The following FOXP1 variants were observed in gnomAD, a reference collection of about 807,000 sequenced individuals.
The protein encoded by FOXP1 is forkhead box protein P1.
FOXP1 carries 15 observed loss-of-function variants against 98.2 expected under a neutral mutation model. The observed-to-expected ratio is 0.15, with a 90% CI of 0.10 to 0.24. The LOEUF (loss-of-function observed/expected upper bound fraction) is 0.24, where lower values mean the gene tolerates loss of function less well. Ranked by LOEUF, FOXP1 falls within the 10% of genes least tolerant of loss-of-function variation. FOXP1 has a pLI of 1.00. For missense variants in FOXP1, 633 were observed against 848.5 expected (o/e 0.75, Z 3.15); for synonymous variants, 371 against 314.5 (o/e 1.18, Z -1.90).
chr3:71,236,844 G>C (rs2066821927), intron 5 of FOXP1, among the ~76,000 whole-genome samples: 1 of 151,274 alleles, frequency 6.6e-6, no homozygotes, highest in South Asian at 2.1e-4. Context: ...CTGCACTCCA[G>C]CCTGAGTGAC....
intron 5 of FOXP1, among the ~76,000 whole-genome samples, chr3:71,289,315 A>T (rs1304712765): frequency 6.6e-6 from 1 of 151,992 alleles, no homozygotes; most frequent in Admixed American, 6.6e-5. Context: ...CTGGTATTAC[A>T]GTCATGAGCC....
intron 6 of FOXP1, among the ~76,000 whole-genome samples, chr3:71,138,195 G>A (rs984347267): frequency 6.6e-6 from 1 of 152,174 alleles, no homozygotes; most frequent in Non-Finnish European, 1.5e-5. Flanking sequence ...GAGAACACAC[G>A]TGGAGGAAGA....
intron 5 of FOXP1, among the ~76,000 whole-genome samples, chr3:71,199,749 GAAAAA>G (rs763308219): frequency 3.4e-4 from 50 of 147,720 alleles, no homozygotes; most frequent in Non-Finnish European, 7.0e-4. Context: ...CAAAACAAAA[GAAAAA>G]AAAATAGGGT....
intron 6 of FOXP1, among the ~76,000 whole-genome samples, chr3:71,126,890 C>CA (rs66876896): frequency 4.6e-4 from 61 of 132,252 alleles, no homozygotes; most frequent in South Asian, 1.2e-3. Flanking sequence ...AAAACAAAAA[C>CA]AAAAAAAAAA....
At chr3:71,015,789 T>A (rs969109447) in intron 11 of FOXP1, 136 bp from the exon 12 acceptor site, 1 of 628,534 alleles carries the variant, frequency 1.6e-6, no homozygotes, top group Admixed American at 2.7e-5. Context: ...CCCCATCCCA[T>A]GTAATTGACT....
chr3:71,409,006 T>C (rs557789387), intron 3 of FOXP1, among the ~76,000 whole-genome samples: 3 of 152,208 alleles, frequency 2.0e-5, no homozygotes, highest in Non-Finnish European at 4.4e-5. Context: ...CCCAGAGAAA[T>C]GTATAATAGT....
At chr3:71,122,895 G>A (rs2058880687) in intron 6 of FOXP1, among the ~76,000 whole-genome samples, 1 of 152,174 alleles carries the variant, frequency 6.6e-6, no homozygotes, top group Non-Finnish European at 1.5e-5. Context: ...TTGGCAAATG[G>A]CTATGCAGAC....
chr3:71,000,756 C>T (rs527569268), intron 13 of FOXP1, among the ~76,000 whole-genome samples: 11 of 147,878 alleles, frequency 7.4e-5, no homozygotes, highest in African/African-American at 2.6e-4. Context: ...GCAGCAGTTC[C>T]AAAGAGTGAA....
chr3:70,956,447 CTAAG>C lies in FOXP1; in HGVS notation c.*2796_*2799del. On this transcript the variant is annotated 3_prime_UTR_variant, in exon 21 of 21. Transcript: ENST00000649528. Reference sequence around the variant, plus strand: ...TTTTTTTTTTGCTACAGTCTTTAGACTAAGCATGCAAGACATACGACTAAGTGCA... The same window carrying C: ...TTTTTTTTTTGCTACAGTCTTTAGACCATGCAAGACATACGACTAAGTGCA... 4.8e-6 allele frequency: 1 copy of C among 207,428 alleles called. No homozygotes were observed. The highest frequency in any genetic ancestry group is 9.5e-6 in the Non-Finnish European group (1 of 105,666). 12.8% of individuals were successfully genotyped at this position (207,428 alleles called of 1,614,324 possible).
In FOXP1 at chr3:71,207,247, C is replaced by G. The variant is rs11442783; in HGVS notation, c.-11-8855G>C. Among the ~76,000 whole-genome samples the G allele has an allele frequency of 2.2e-3, 322 of 148,990 alleles. 3 individuals are homozygous for G. Among genetic ancestry groups the G allele is most frequent in the African/African-American group, 5.5e-3 (224 of 40,534 alleles). ...TGACCAACAACCAGTTCAGAAAAGT[C>G]TTTTTTTTTTTTCATTTCTATATTT... On this transcript the variant is annotated intron_variant, in intron 5 of 20. Coordinates refer to ENST00000649528, the MANE Select transcript of FOXP1 (RefSeq NM_001349338.3).
intron 2 of FOXP1, among the ~76,000 whole-genome samples, chr3:71,513,391 A>G (rs868199417): frequency 6.6e-6 from 1 of 152,090 alleles, no homozygotes; most frequent in Non-Finnish European, 1.5e-5. Context: ...AGGAAATCCC[A>G]TAGAGTCTGC....
intron 7 of FOXP1, among the ~76,000 whole-genome samples, chr3:71,094,181 T>C (rs987369738): frequency 6.6e-6 from 1 of 152,088 alleles, no homozygotes; most frequent in African/African-American, 2.4e-5. Flanking sequence ...AAAGCAGCCA[T>C]AGACAGAAAA....
intron 3 of FOXP1, among the ~76,000 whole-genome samples, chr3:71,485,785 AAAG>A (rs1430343255): frequency 6.6e-6 from 1 of 152,050 alleles, no homozygotes; most frequent in African/African-American, 2.4e-5. Flanking sequence ...AAAAAAAAAA[AAAG>A]AACCACAGAA....
chr3:71,515,260 C>T (rs1408755785), intron 2 of FOXP1, among the ~76,000 whole-genome samples: 2 of 152,064 alleles, frequency 1.3e-5, no homozygotes, highest in African/African-American at 2.4e-5. Context: ...TCACACAACG[C>T]GGTATGGAAA....
chr3:71,246,801 A>G (rs2106984861), intron 5 of FOXP1, among the ~76,000 whole-genome samples: 1 of 152,242 alleles, frequency 6.6e-6, no homozygotes. Context: ...CGTCTCCGTC[A>G]CTCTTCATCG....
intron 4 of FOXP1, among the ~76,000 whole-genome samples, chr3:71,327,828 C>T (rs1411576846): frequency 6.6e-6 from 1 of 152,156 alleles, no homozygotes; most frequent in Non-Finnish European, 1.5e-5. Flanking sequence ...ATCTAACTCA[C>T]TCTTTTTGCT....
chr3:71,055,856 A>T (rs2050559732), intron 7 of FOXP1, among the ~76,000 whole-genome samples: 2 of 152,216 alleles, frequency 1.3e-5, no homozygotes, highest in Non-Finnish European at 2.9e-5. Context: ...GATGATGTAC[A>T]ATATAAATAT....
chr3:71,071,904 GACA>G (rs1031315870), intron 7 of FOXP1, among the ~76,000 whole-genome samples: 12 of 151,944 alleles, frequency 7.9e-5, no homozygotes, highest in Non-Finnish European at 1.6e-4. Context: ...CAACAACAAC[GACA>G]ACAACAACAG....
chr3:71,126,406 G>A (rs1480705550), intron 6 of FOXP1, among the ~76,000 whole-genome samples: 1 of 151,970 alleles, frequency 6.6e-6, no homozygotes, highest in African/African-American at 2.4e-5. Context: ...AGAGAATGGC[G>A]TGAACCCGGA....
Sources: gnomAD v4.1 joint callset for allele counts (sites outside exome capture counted in the v4.1 genomes callset) on GRCh38, gnomAD v4.1.1 for gene constraint, MANE v1.5 for transcripts, NCBI Gene and HGNC (gene_info 2026-07-23, HGNC 2026-07-21) for gene names.